Variants in BTD observed in about 807,000 individuals in gnomAD.
BTD encodes the protein biotinidase, also known as biocytinase.
A neutral mutation model predicts 17.7 loss-of-function variants in BTD; 13 were observed. That is an observed-to-expected ratio of 0.74 (90% CI 0.48 to 1.17). The LOEUF (loss-of-function observed/expected upper bound fraction) is 1.17, where lower values mean the gene tolerates loss of function less well. Among genes scored for constraint, BTD ranks in the 50% most tolerant of loss-of-function variants. The probability of loss-of-function intolerance (pLI) is 0.00; values close to 1 mark genes in which losing one functional copy is unlikely to be tolerated. For synonymous variants in BTD, 240 were observed against 245.2 expected, an observed-to-expected ratio of 0.98 and a Z score of 0.20; for missense variants, 674 against 650.4, an observed-to-expected ratio of 1.04 and a Z score of -0.39.
At chr3:15,714,883 A>G (rs746997065), downstream of BTD, among the ~76,000 whole-genome samples, 2 of 152,186 alleles carry the variant, frequency 1.3e-5, no homozygotes, top group African/African-American at 4.8e-5. Context: ...TACAATTTAT[A>G]AAAATTGGGA....
chr3:15,681,767 T>C (rs1024900111), intron 3 of BTD, among the ~76,000 whole-genome samples: 2 of 152,196 alleles, frequency 1.3e-5, no homozygotes, highest in Non-Finnish European at 1.5e-5. Context: ...TCAGCAGATA[T>C]TGTATGTGGC....
At chr3:15,633,991 A>G (rs566143818) in intron 1 of BTD, among the ~76,000 whole-genome samples, 1 of 152,330 alleles carries the variant, frequency 6.6e-6, no homozygotes, top group African/African-American at 2.4e-5. Flanking sequence ...ATGAATGGCA[A>G]CAAATCCTGG....
At chr3:15,677,703 A>G in intron 3 of BTD, 1 of 528,456 alleles carries the variant, frequency 1.9e-6, no homozygotes, top group Non-Finnish European at 3.4e-6. Flanking sequence ...ATTGTAATAT[A>G]TAACATATAT....
At chr3:15,689,510 G>A (rs946117810) in intron 3 of BTD, among the ~76,000 whole-genome samples, 2 of 152,220 alleles carry the variant, frequency 1.3e-5, no homozygotes, top group African/African-American at 4.8e-5. Flanking sequence ...GGCCACAGGA[G>A]GAAGGGAGCT....
chr3:15,646,699 A>G lies in BTD; in HGVS notation c.*1211A>G, dbSNP rs1292422767. 6.6e-6 allele frequency: 1 copy of G among 152,234 alleles called. No individual in the cohort carries two copies. The highest frequency in any genetic ancestry group is 1.5e-5 in the Non-Finnish European group (1 of 68,036). The allele number at this position is 152,234 out of a possible 1,614,324, so 9.4% of individuals were successfully genotyped here. ...AGTACAGAATGGATAATTAGTCTTC[A>G]GTGATTTGCCTCTTAAATGTGGCCA... On this transcript the variant is annotated 3_prime_UTR_variant, in exon 4 of 4. Transcript: ENST00000643237.
At chr3:15,711,668 A>G (rs1441258477) in exon 4 of BTD, among the ~76,000 whole-genome samples, 1 of 151,970 alleles carries the variant, frequency 6.6e-6, no homozygotes, top group Non-Finnish European at 1.5e-5. Flanking sequence ...TCTTTCTTTA[A>G]CAGGGGATGA....
intron 1 of BTD, among the ~76,000 whole-genome samples, chr3:15,633,352 A>C (rs2065261953): frequency 6.6e-6 from 1 of 152,186 alleles, no homozygotes; most frequent in South Asian, 2.1e-4. Context: ...TCTTTCAAGC[A>C]TGAATACCTG....
chr3:15,700,893 T>C (rs1433917236), intron 3 of BTD, among the ~76,000 whole-genome samples: 1 of 152,244 alleles, frequency 6.6e-6, no homozygotes, highest in Non-Finnish European at 1.5e-5. Context: ...AAATAGCCTC[T>C]GTTTATTCAT....
intron 3 of BTD, chr3:15,667,354 G>A (rs2066032329): frequency 6.6e-6 from 1 of 152,216 alleles, no homozygotes; most frequent in Non-Finnish European, 1.5e-5. Flanking sequence ...TGAGATGAGT[G>A]TCTTGTTAAA....
At chr3:15,610,981 A>G (rs1295971216) in intron 1 of BTD, among the ~76,000 whole-genome samples, 3 of 152,202 alleles carry the variant, frequency 2.0e-5, no homozygotes, top group South Asian at 2.1e-4. Context: ...CAGGACTCCA[A>G]AACTCCCAGT....
intron 3 of BTD, among the ~76,000 whole-genome samples, chr3:15,706,218 C>G (rs895838317): frequency 6.6e-6 from 1 of 151,936 alleles, no homozygotes; most frequent in African/African-American, 2.4e-5. Context: ...TTAGGTATAC[C>G]TCCTAATGCT....
chr3:15,717,415 C>T (rs1240196080), downstream of BTD, among the ~76,000 whole-genome samples: 3 of 151,882 alleles, frequency 2.0e-5, no homozygotes, highest in Non-Finnish European at 4.4e-5. Flanking sequence ...CCATAAGACA[C>T]GTTAGCGGGG....
At chr3:15,666,038 TAAG>T (rs2065982383) in intron 3 of BTD, among the ~76,000 whole-genome samples, 1 of 152,164 alleles carries the variant, frequency 6.6e-6, no homozygotes, top group African/African-American at 2.4e-5. Context: ...AACTGAAATG[TAAG>T]AAGACATCAT....
intron 1 of BTD, among the ~76,000 whole-genome samples, chr3:15,628,579 A>G (rs987557579): frequency 8.5e-5 from 13 of 152,204 alleles, no homozygotes; most frequent in African/African-American, 3.1e-4. Context: ...GCTGACACTC[A>G]TTGAAACTCA....
chr3:15,622,825 C>T (rs1315287263), intron 1 of BTD, among the ~76,000 whole-genome samples: 1 of 152,186 alleles, frequency 6.6e-6, no homozygotes, highest in African/African-American at 2.4e-5. Context: ...TGATAACTTT[C>T]CTTGGTCTAA....
intron 3 of BTD, chr3:15,677,557 G>A: frequency 6.2e-7 from 1 of 1,608,718 alleles, no homozygotes; most frequent in East Asian, 2.2e-5. Context: ...CTGCTAACCA[G>A]CATCTCTGGG....
At chr3:15,622,623 A>C (rs2064979063) in intron 1 of BTD, among the ~76,000 whole-genome samples, 1 of 152,124 alleles carries the variant, frequency 6.6e-6, no homozygotes, top group Non-Finnish European at 1.5e-5. Flanking sequence ...TGCATTCTGG[A>C]TTTTATCCAT....
At chr3:15,601,641 G>A (rs1214382297), upstream of BTD, 6 of 1,553,724 alleles carry the variant, frequency 3.9e-6, no homozygotes, top group African/African-American at 2.7e-5. Context: ...TCCACTTCCC[G>A]GGAGAGGTGA....
In BTD at chr3:15,650,006, A is replaced by G. The variant is rs78166013; in HGVS notation, c.*4518A>G. ...ATTAATGAATTGCCCACATGCAAAT[A>G]TGTGCTGAGTCTTGGATTTGCATCT... On this transcript the variant is annotated 3_prime_UTR_variant, in exon 4 of 4. Coordinates refer to ENST00000643237, the MANE Select transcript of BTD (RefSeq NM_001370658.1). 7.9e-3 allele frequency among the ~76,000 whole-genome samples: 1,210 copies of G among 152,350 alleles called. 6 individuals are homozygous for G. Among genetic ancestry groups the G allele is most frequent in the Middle Eastern group, 0.017 (5 of 294 alleles).
Sources: gnomAD v4.1 joint callset for allele counts (sites outside exome capture counted in the v4.1 genomes callset) on GRCh38, gnomAD v4.1.1 for gene constraint, MANE v1.5 for transcripts, NCBI Gene and HGNC (gene_info 2026-07-23, HGNC 2026-07-21) for gene names.